PLCG2: variants seen among roughly 807,000 people sequenced by gnomAD.
The protein encoded by PLCG2 is 1-phosphatidylinositol 4,5-bisphosphate phosphodiesterase gamma-2.
Under a neutral mutation model 175.6 loss-of-function variants are expected in PLCG2, and 69 were observed. The observed-to-expected ratio is 0.39, with a 90% CI of 0.32 to 0.48. The LOEUF is 0.48. Among genes scored for constraint, PLCG2 ranks in the 20% least tolerant of loss-of-function variants. The pLI is 0.91. For synonymous variants in PLCG2, 827 were observed against 624.0 expected (o/e 1.33, Z -4.85); for missense variants, 1,798 against 1,650.9 (o/e 1.09, Z -1.54).
intron 5 of PLCG2, among the ~76,000 whole-genome samples, chr16:81,865,583 C>G (rs1453577144): frequency 6.6e-6 from 1 of 152,226 alleles, no homozygotes; most frequent in African/African-American, 2.4e-5. Context: ...GCACCCCAGG[C>G]CCCTCAGTCT....
At chr16:81,943,007 T>G (rs1016162054) in intron 30 of PLCG2, among the ~76,000 whole-genome samples, 4 of 152,274 alleles carry the variant, frequency 2.6e-5, no homozygotes, top group Admixed American at 1.3e-4. Context: ...TGGAGACAGC[T>G]GGTCATGAGG....
intron 2 of PLCG2, among the ~76,000 whole-genome samples, chr16:81,813,177 G>A (rs943453258): frequency 6.6e-6 from 1 of 152,186 alleles, no homozygotes; most frequent in Non-Finnish European, 1.5e-5. Flanking sequence ...GGTTCCATAT[G>A]AAATTTAAAG....
At chr16:81,877,621 A>T (rs1907864154) in intron 7 of PLCG2, among the ~76,000 whole-genome samples, 1 of 152,228 alleles carries the variant, frequency 6.6e-6, no homozygotes, top group East Asian at 1.9e-4. Flanking sequence ...TGCTTCAAGC[A>T]TTCCTCGGAG....
intron 1 of PLCG2, among the ~76,000 whole-genome samples, chr16:81,752,305 AAGAAGCACCCGGCCAGCTCTG>A (rs1311507836): frequency 6.6e-6 from 1 of 152,186 alleles, no homozygotes; most frequent in Non-Finnish European, 1.5e-5. Context: ...GGAAGGTTCC[AAGAAGCACCCGGCCAGCTCTG>A]AGAAGTACCC....
intron 18 of PLCG2, among the ~76,000 whole-genome samples, chr16:81,911,067 A>G (rs1462460410): frequency 1.3e-5 from 2 of 152,218 alleles, no homozygotes; most frequent in Admixed American, 1.3e-4. Flanking sequence ...GAACAAGGAA[A>G]CAATGATTAT....
chr16:81,937,997 G>C, intron 28 of PLCG2, 94 bp downstream of exon 28: 2 of 1,194,096 alleles, frequency 1.7e-6, no homozygotes, highest in Non-Finnish European at 2.4e-6. Flanking sequence ...CCATGTCTAG[G>C]GAGGCTGGTT....
At position 81,939,879 on chromosome 16, in the gene PLCG2, G is replaced by T. The variant is rs757678746; in HGVS notation, c.3314-13G>T. The T allele has an allele frequency of 6.2e-7, 1 of 1,605,556 alleles. No individual in the cohort carries two copies. ...TCCAATGTGGCCTCTCATGAGCTTT[G>T]ATCTCCTTCCAGATGATAATGGCCT... On this transcript the variant is annotated splice_polypyrimidine_tract_variant and intron_variant, in intron 29 of 32. Transcript: ENST00000564138.
Position 81,958,147 on chromosome 16 carries a change from T to C in PLCG2, c.*149T>C, listed in dbSNP as rs1225253383. On this transcript the variant is annotated 3_prime_UTR_variant, in exon 33 of 33. Coordinates refer to ENST00000564138, the MANE Select transcript of PLCG2 (RefSeq NM_002661.5). ...TCAAGGACATTTCTTAAGACCCAACTGGCATGAGTTGGGGTAATTTCCTAT... is the reference window on the plus strand; with the variant it reads ...TCAAGGACATTTCTTAAGACCCAACCGGCATGAGTTGGGGTAATTTCCTAT... The C allele has an allele frequency of 1.6e-6, 1 of 635,602 alleles. No individual in the cohort carries two copies. Among genetic ancestry groups the C allele is most frequent in the African/African-American group, 1.8e-5 (1 of 54,770 alleles). The allele number at this position is 635,602 out of a possible 1,614,324, so 39.4% of individuals were successfully genotyped here. A position where few individuals can be genotyped will look rare whatever the true frequency, so the allele number is the denominator to read the frequency against.
intron 7 of PLCG2, among the ~76,000 whole-genome samples, chr16:81,879,252 C>T (rs1907963689): frequency 2.0e-5 from 3 of 152,162 alleles, no homozygotes; most frequent in Non-Finnish European, 2.9e-5. Context: ...CCCCTGATGC[C>T]TTCAGCAGCA....
chr16:81,950,859 G>A (rs901471416), intron 31 of PLCG2, among the ~76,000 whole-genome samples: 1 of 152,138 alleles, frequency 6.6e-6, no homozygotes, highest in Non-Finnish European at 1.5e-5. Context: ...GTACTACTAA[G>A]TATTCATCTT....
intron 3 of PLCG2, among the ~76,000 whole-genome samples, chr16:81,855,283 C>T (rs181603471): frequency 1.6e-4 from 25 of 152,168 alleles, no homozygotes; most frequent in Non-Finnish European, 2.9e-4. Flanking sequence ...TCTGAAGGAA[C>T]TGTCCTGAGA....
chr16:81,934,325 G>T, intron 25 of PLCG2, 104 bp from the exon 26 acceptor site: 1 of 695,984 alleles, frequency 1.4e-6, no homozygotes, highest in Admixed American at 2.3e-5. Context: ...AAAGATCCGA[G>T]TGTGCAAGAA....
At chr16:81,924,804 A>C (rs969945325) in intron 22 of PLCG2, among the ~76,000 whole-genome samples, 1 of 152,174 alleles carries the variant, frequency 6.6e-6, no homozygotes, top group African/African-American at 2.4e-5. Flanking sequence ...TGCTGTTCCT[A>C]CTGCAGCCTC....
intron 2 of PLCG2, among the ~76,000 whole-genome samples, chr16:81,758,802 C>T (rs933331718): frequency 3.3e-5 from 5 of 151,962 alleles, no homozygotes; most frequent in Admixed American, 6.6e-5. Flanking sequence ...CTCAGCCTCC[C>T]GAGTAGCTGG....
Position 81,919,510 on chromosome 16 carries a change from G to A in PLCG2, c.2081G>A (p.Arg694His), listed in dbSNP as rs1336595726. 5 of 1,613,876 alleles carry A rather than the reference G, an allele frequency of 3.1e-6. No homozygotes were observed. Among genetic ancestry groups the A allele is most frequent in the Admixed American group, 1.7e-5 (1 of 60,000 alleles). The change falls in exon 20 of 33, where the codon CGC becomes CAC. Residue 694 changes from arginine to histidine, a missense_variant. Coordinates refer to ENST00000564138, the MANE Select transcript of PLCG2 (RefSeq NM_002661.5). ...GCTAGGGGCAAGGTAAAGCATTGTC[G>A]CATCAACCGGGACGGCCGGCACTTT... ...FRARGKVKHC[R>H]INRDGRHFVL... is the part of the protein sequence containing the mutation.
intron 2 of PLCG2, among the ~76,000 whole-genome samples, chr16:81,772,711 G>A (rs928858533): frequency 1.3e-5 from 2 of 151,524 alleles, no homozygotes; most frequent in Non-Finnish European, 2.9e-5. Context: ...CCAGCTACTC[G>A]GGAGGCTGAG....
upstream of PLCG2, among the ~76,000 whole-genome samples, chr16:81,778,736 C>A (rs772165261): frequency 2.0e-5 from 3 of 152,180 alleles, no homozygotes; most frequent in Non-Finnish European, 4.4e-5. Context: ...TCCAGCGCAG[C>A]CTCAACGAGG....
At chr16:81,880,870 T>C in intron 7 of PLCG2, 40 bp from the exon 8 acceptor site, 1 of 1,600,792 alleles carries the variant, frequency 6.2e-7, no homozygotes, top group South Asian at 1.1e-5. Context: ...TTAAGTGACT[T>C]GTCTAAGGTT....
At chr16:81,886,089 C>G (rs113870293) in intron 9 of PLCG2, among the ~76,000 whole-genome samples, 1 of 152,170 alleles carries the variant, frequency 6.6e-6, no homozygotes, top group Non-Finnish European at 1.5e-5. Context: ...TAGTAGGGAA[C>G]GATTAAAGTT....
Sources: allele counts gnomAD v4.1 joint callset (sites outside exome capture counted in the v4.1 genomes callset), GRCh38; gene constraint gnomAD v4.1.1; transcripts MANE v1.5; gene names NCBI Gene and HGNC (gene_info 2026-07-23, HGNC 2026-07-21).